RALGPS2: variants seen among roughly 807,000 people sequenced by gnomAD.
RALGPS2 encodes Ral GEF with PH domain and SH3 binding motif 2, also known as ras-specific guanine nucleotide-releasing factor RalGPS2.
In RALGPS2, 43 loss-of-function variants were observed where a neutral mutation model predicts 86.8. The observed-to-expected ratio is 0.50, with a 90% CI of 0.39 to 0.64. The LOEUF (loss-of-function observed/expected upper bound fraction) is 0.64, where lower values mean the gene tolerates loss of function less well. Ranked by LOEUF, RALGPS2 falls within the 30% of genes least tolerant of loss-of-function variation. The pLI is 0.00. For synonymous variants in RALGPS2, 243 were observed against 231.3 expected (o/e 1.05, Z -0.46); for missense variants, 536 against 694.6 (o/e 0.77, Z 2.57).
intron 1 of RALGPS2, among the ~76,000 whole-genome samples, chr1:178,727,647 G>C (rs1650102364): frequency 6.6e-6 from 1 of 152,174 alleles, no homozygotes; most frequent in Non-Finnish European, 1.5e-5. Flanking sequence ...CCTGGTACGA[G>C]TCTTTTTATT....
intron 1 of RALGPS2, among the ~76,000 whole-genome samples, chr1:178,773,235 A>T (rs1442374717): frequency 6.6e-6 from 1 of 152,174 alleles, no homozygotes; most frequent in African/African-American, 2.4e-5. Flanking sequence ...TCAGCTACTC[A>T]GAAAGCTGAG....
chr1:178,788,794 T>C (rs1014609062), intron 4 of RALGPS2, among the ~76,000 whole-genome samples: 1 of 151,064 alleles, frequency 6.6e-6, no homozygotes, highest in African/African-American at 2.5e-5. Flanking sequence ...TCTCTTCTCT[T>C]CTTTTCTTTC....
chr1:178,845,606 G>T (rs944391684), intron 8 of RALGPS2, among the ~76,000 whole-genome samples: 37 of 152,072 alleles, frequency 2.4e-4, no homozygotes, highest in African/African-American at 8.7e-4. Context: ...CAGTGATTTT[G>T]ATTTAATTTC....
At chr1:178,819,687 G>A (rs1424432691) in intron 6 of RALGPS2, among the ~76,000 whole-genome samples, 1 of 152,166 alleles carries the variant, frequency 6.6e-6, no homozygotes, top group African/African-American at 2.4e-5. Flanking sequence ...TTCATAAGAT[G>A]TGTTTCATAT....
At chr1:178,805,492 C>T (rs1654698470) in intron 4 of RALGPS2, among the ~76,000 whole-genome samples, 3 of 151,554 alleles carry the variant, frequency 2.0e-5, no homozygotes, top group African/African-American at 4.9e-5. Context: ...CAGCTTTCTA[C>T]ATATGGCTAG....
intron 19 of RALGPS2, among the ~76,000 whole-genome samples, chr1:178,909,484 G>T (rs112321820): frequency 2.6e-5 from 4 of 151,948 alleles, no homozygotes; most frequent in Admixed American, 2.0e-4. Context: ...GTCATTGGTA[G>T]TTTGATAAGA....
chr1:178,784,646 G>T, intron 3 of RALGPS2, 124 bp downstream of exon 3: 1 of 619,226 alleles, frequency 1.6e-6, no homozygotes. Context: ...GGAATTATTG[G>T]GGAAAATAGT....
chr1:178,827,685 G>A (rs1008526485), intron 7 of RALGPS2, among the ~76,000 whole-genome samples: 5 of 152,032 alleles, frequency 3.3e-5, no homozygotes, highest in South Asian at 2.1e-4. Flanking sequence ...GTGAGCCACC[G>A]CGCCCGGCCC....
chr1:178,817,100 C>G (rs1655267864), intron 6 of RALGPS2, among the ~76,000 whole-genome samples: 1 of 151,672 alleles, frequency 6.6e-6, no homozygotes. Flanking sequence ...TGGCTCACAC[C>G]TATAATCCTA....
chr1:178,827,909 G>A (rs888850152), intron 7 of RALGPS2, among the ~76,000 whole-genome samples: 3 of 152,212 alleles, frequency 2.0e-5, no homozygotes, highest in East Asian at 1.9e-4. Flanking sequence ...CTGGATGTCC[G>A]CATGCAAAAG....
At chr1:178,793,788 T>C (rs1419204331) in intron 4 of RALGPS2, among the ~76,000 whole-genome samples, 1 of 152,184 alleles carries the variant, frequency 6.6e-6, no homozygotes, top group Non-Finnish European at 1.5e-5. Flanking sequence ...GTTTATCATT[T>C]TGGAGTCGTT....
chr1:178,870,135 C>A (rs1658660211), intron 8 of RALGPS2, among the ~76,000 whole-genome samples: 1 of 152,026 alleles, frequency 6.6e-6, no homozygotes, highest in African/African-American at 2.4e-5. Flanking sequence ...GCCTGGAAAG[C>A]TATTTAAAAT....
At chr1:178,795,868 C>A (rs956450368) in intron 4 of RALGPS2, among the ~76,000 whole-genome samples, 7 of 152,002 alleles carry the variant, frequency 4.6e-5, no homozygotes, top group Non-Finnish European at 8.8e-5. Flanking sequence ...ATAATTCTAT[C>A]CTTGTTTTAA....
intron 7 of RALGPS2, among the ~76,000 whole-genome samples, chr1:178,831,539 A>G (rs1371678408): frequency 1.3e-5 from 2 of 151,956 alleles, no homozygotes; most frequent in Non-Finnish European, 2.9e-5. Context: ...ATATCAATGA[A>G]AGTGTGAAGA....
intron 8 of RALGPS2, among the ~76,000 whole-genome samples, chr1:178,858,634 G>C (rs2102313958): frequency 6.6e-6 from 1 of 152,198 alleles, no homozygotes; most frequent in South Asian, 2.1e-4. Context: ...ATTTATGTGA[G>C]GATTAAAGTT....
chr1:178,764,990 G>C (rs1048895304), intron 1 of RALGPS2, among the ~76,000 whole-genome samples: 1 of 152,022 alleles, frequency 6.6e-6, no homozygotes, highest in Non-Finnish European at 1.5e-5. Context: ...TCCCCACTTT[G>C]TGCTCTCTCT....
intron 1 of RALGPS2, among the ~76,000 whole-genome samples, chr1:178,740,419 C>T (rs1487417769): frequency 6.6e-6 from 1 of 152,172 alleles, no homozygotes; most frequent in Non-Finnish European, 1.5e-5. Flanking sequence ...CATCAACCAC[C>T]TGGGAAAATT....
chr1:178,852,833 A>G, intron 8 of RALGPS2: 1 of 1,613,964 alleles, frequency 6.2e-7, no homozygotes, highest in Non-Finnish European at 8.5e-7. Context: ...TATTCTGCAT[A>G]GACTTTTTTA....
intron 1 of RALGPS2, among the ~76,000 whole-genome samples, chr1:178,745,514 T>G (rs2102030822): frequency 6.6e-6 from 1 of 152,280 alleles, no homozygotes; most frequent in African/African-American, 2.4e-5. Flanking sequence ...GCAAAGGCAG[T>G]TCAGCAGAGA....
Sources: gnomAD v4.1 joint callset for allele counts (sites outside exome capture counted in the v4.1 genomes callset) on GRCh38, gnomAD v4.1.1 for gene constraint, MANE v1.5 for transcripts, NCBI Gene and HGNC (gene_info 2026-07-23, HGNC 2026-07-21) for gene names.